The following ADCY4 variants were observed in gnomAD, a reference collection of about 807,000 sequenced individuals.
ADCY4 encodes adenylate cyclase 4.
In ADCY4, 111 loss-of-function variants were observed where a neutral mutation model predicts 125.5. The observed-to-expected ratio is 0.88, with a 90% CI of 0.76 to 1.04. The LOEUF is 1.04. Ranked by LOEUF, ADCY4 falls within the 50% of genes least tolerant of loss-of-function variation. The pLI is 0.00. For missense variants in ADCY4, 1,256 were observed against 1,382.9 expected (o/e 0.91, Z 1.46); for synonymous variants, 576 against 586.9 (o/e 0.98, Z 0.27).
At chr14:24,329,590 C>T in intron 8 of ADCY4, 57 bp from the exon 9 acceptor site, 2 of 1,499,966 alleles carry the variant, frequency 1.3e-6, no homozygotes, top group Non-Finnish European at 1.8e-6. Context: ...CTCCTATTTC[C>T]TGCCCCATCA....
At position 24,326,389 on chromosome 14, in the gene ADCY4, T is replaced by A. The variant is rs754681348; in HGVS notation, c.1525-47A>T. 8 of 1,607,922 alleles carry A rather than the reference T, an allele frequency of 5.0e-6. No homozygotes were observed. The South Asian group carries it at 8.8e-5, about 18-fold the overall frequency. ...AGGTGGGCATGGTGGGTGTTTTCCC[T>A]GCAGTGAGGTAGACCATGAGCCACA... is the stretch of plus-strand genomic sequence containing the variant. On this transcript the variant is annotated intron_variant, in intron 10 of 24. Coordinates refer to ENST00000418030, the MANE Select transcript of ADCY4 (RefSeq NM_001198568.2).
intron 4 of ADCY4, 141 bp from the exon 5 acceptor site, chr14:24,331,497 A>G: frequency 1.7e-6 from 2 of 1,174,556 alleles, no homozygotes; most frequent in South Asian, 1.5e-5. Flanking sequence ...TGCACACAGC[A>G]GGGCCCCAGC....
At chr14:24,329,257 G>T (rs747320437) in intron 9 of ADCY4, 23 bp from the exon 10 acceptor site, 3 of 1,611,242 alleles carry the variant, frequency 1.9e-6, no homozygotes, top group Non-Finnish European at 2.5e-6. Context: ...AGGGCTGACA[G>T]TAAAGACCAC....
intron 16 of ADCY4, 50 bp downstream of exon 16, chr14:24,324,012 C>A: frequency 6.3e-7 from 1 of 1,591,276 alleles, no homozygotes; most frequent in Non-Finnish European, 8.6e-7. Context: ...CAGTCCCTGG[C>A]AGGTCCAACA....
intron 6 of ADCY4, 77 bp downstream of exon 6, chr14:24,330,941 G>T: frequency 7.5e-7 from 1 of 1,324,674 alleles, no homozygotes; most frequent in Non-Finnish European, 1.0e-6. Flanking sequence ...CTTATAAGGT[G>T]GGAGTTTCCC....
intron 16 of ADCY4, 146 bp downstream of exon 16, chr14:24,323,914 CTG>C (rs2139201620): frequency 8.6e-7 from 1 of 1,168,574 alleles, no homozygotes. Flanking sequence ...TTGCTGGAGA[CTG>C]TAATTTTTTT....
chr14:24,322,398 A>G (rs2041865949), intron 19 of ADCY4, 174 bp from the exon 20 acceptor site: 2 of 881,624 alleles, frequency 2.3e-6, no homozygotes, highest in South Asian at 3.6e-5. Flanking sequence ...AATTAGATTC[A>G]GACTAGGGAT....
chr14:24,332,077 CTG>C, intron 3 of ADCY4, 140 bp from the exon 4 acceptor site: 3 of 1,083,872 alleles, frequency 2.8e-6, no homozygotes, highest in East Asian at 3.0e-5. Flanking sequence ...TGGTGCCACA[CTG>C]TGGCATCCCT....
At chr14:24,324,823 C>G (rs968559366) in intron 14 of ADCY4, among the ~76,000 whole-genome samples, 1 of 152,126 alleles carries the variant, frequency 6.6e-6, no homozygotes, top group African/African-American at 2.4e-5. Flanking sequence ...CCTGCCTCAG[C>G]CTCCCGAGTA....
At position 24,329,205 on chromosome 14, in the gene ADCY4, T is replaced by C; in HGVS notation, c.1380A>G (p.Ala460=). 6.2e-7 allele frequency: 1 copy of C among 1,613,852 alleles called. No individual in the cohort carries two copies. Among genetic ancestry groups the C allele is most frequent in the Non-Finnish European group, 8.5e-7 (1 of 1,179,858 alleles). Residue 460 remains alanine, a synonymous_variant, in exon 10 of 25, where the codon GCA becomes GCG. Transcript: ENST00000418030. ...RAEEEDEKGT[A]GGLLSSLEGL... is the part of the protein sequence containing the mutation. The stretch of plus-strand genomic sequence containing the variant: ...CCTCAAGCGAGGACAGCAAGCCTCC[T>C]GCAGTGCCCTTCTCATCCTCCTCCT...
At chr14:24,325,984 C>T (rs116912035) in intron 12 of ADCY4, 95 bp downstream of exon 12, 47,421 of 1,584,094 alleles carry the variant, frequency 0.03, 843 homozygotes, top group Middle Eastern at 0.046. Context: ...GGTGGTCAGG[C>T]GAGTCTTCCC....
rs1566430184 is a variant in ADCY4, at chr14:24,319,354, G to A, written c.2816C>T (p.Ala939Val). Residue 939 changes from alanine to valine, a missense_variant, in exon 22 of 25, where the codon GCC becomes GTC. Transcript: ENST00000418030. The surrounding 1 kb of genome is among the most constrained non-coding windows in gnomAD (Gnocchi z 4.5). ...STYMAATGLN[A>V]TSGQDAQQDA... Reference sequence around the variant, plus strand: ...CTGTTGTGCATCCTGTCCAGAGGTGGCATTTAAGCCTGTGGCTGCCATGTA... The same window carrying A: ...CTGTTGTGCATCCTGTCCAGAGGTGACATTTAAGCCTGTGGCTGCCATGTA... 1 of 1,614,076 alleles carries A rather than the reference G, an allele frequency of 6.2e-7. No homozygotes were observed. Among genetic ancestry groups the A allele is most frequent in the Non-Finnish European group, 8.5e-7 (1 of 1,180,030 alleles).
chr14:24,320,643 A>C (rs2041836518), intron 20 of ADCY4, among the ~76,000 whole-genome samples: 2 of 152,188 alleles, frequency 1.3e-5, no homozygotes, highest in Admixed American at 1.3e-4. Context: ...TACAAATAAG[A>C]TGGTACAAAT....
chr14:24,332,626 G>T lies in ADCY4; in HGVS notation c.415C>A (p.Arg139=). 1.3e-6 allele frequency: 2 copies of T among 1,582,814 alleles called. No individual in the cohort carries two copies. The highest frequency in any genetic ancestry group is 1.7e-6 in the Non-Finnish European group (2 of 1,164,546). Reference sequence around the variant, plus strand: ...GCGAGGCCCGCGACGGCGGCGTCCCGCATGCCCAAGGGCAGCATGGCATAC... The same window carrying T: ...GCGAGGCCCGCGACGGCGGCGTCCCTCATGCCCAAGGGCAGCATGGCATAC... ...TAYAMLPLGM[R]DAAVAGLASS... The change falls in exon 3 of 25, where the codon CGG becomes AGG. Residue 139 remains arginine, a synonymous_variant. Transcript: ENST00000418030.
In ADCY4 at chr14:24,319,566, G is replaced by T; in HGVS notation, c.2734-130C>A. 1 of 1,236,334 alleles carries T rather than the reference G, an allele frequency of 8.1e-7. No individual in the cohort carries two copies. The highest frequency in any genetic ancestry group is 1.2e-6 in the Non-Finnish European group (1 of 863,518). The allele number at this position is 1,236,334 out of a possible 1,614,324, so 76.6% of individuals were successfully genotyped here. A position where few individuals can be genotyped will look rare whatever the true frequency, so the allele number is the denominator to read the frequency against. On this transcript the variant is annotated intron_variant, in intron 21 of 24. Transcript: ENST00000418030. The surrounding 1 kb of genome is among the most constrained non-coding windows in gnomAD (Gnocchi z 4.5). ...AGTGGAGATAGTGTCAGGAAGGAGA[G>T]GGTTGGTGGTGGGCAGTGTTGCTGG...
chr14:24,324,007 C>A, intron 16 of ADCY4, 55 bp downstream of exon 16: 1 of 1,587,966 alleles, frequency 6.3e-7, no homozygotes. Context: ...CCTTTCAGTC[C>A]CTGGCAGGTC....
At chr14:24,325,594 C>T (rs923728277) in intron 13 of ADCY4, 120 bp from the exon 14 acceptor site, 9 of 948,358 alleles carry the variant, frequency 9.5e-6, no homozygotes, top group African/African-American at 8.4e-5. Context: ...AGTTCAGTTC[C>T]ATGTAGACCC....
intron 20 of ADCY4, among the ~76,000 whole-genome samples, chr14:24,320,934 C>T (rs1566431044): frequency 6.6e-6 from 1 of 152,012 alleles, no homozygotes; most frequent in Non-Finnish European, 1.5e-5. Flanking sequence ...ATCCTCTAGA[C>T]CAGCAGTCCC....
intron 20 of ADCY4, among the ~76,000 whole-genome samples, chr14:24,320,248 G>A (rs1337816808): frequency 1.3e-5 from 2 of 152,166 alleles, no homozygotes; most frequent in Non-Finnish European, 2.9e-5. Flanking sequence ...GGTAAAATGT[G>A]TTTAAGTGTT....
Sources: gnomAD v4.1 joint callset for allele counts (sites outside exome capture counted in the v4.1 genomes callset) on GRCh38, gnomAD v4.1.1 for gene constraint, Gnocchi (gnomAD v3.1) non-coding constraint, MANE v1.5 for transcripts, NCBI Gene and HGNC (gene_info 2026-07-23, HGNC 2026-07-21) for gene names.